Variants in CECR2 observed in about 807,000 individuals in gnomAD.
CECR2 encodes the protein chromatin remodeling regulator CECR2.
A neutral mutation model predicts 154.5 loss-of-function variants in CECR2; 30 were observed. That is an observed-to-expected ratio of 0.19 (90% CI 0.15 to 0.26). The LOEUF (loss-of-function observed/expected upper bound fraction) is 0.26. Ranked by LOEUF, CECR2 falls within the 10% of genes least tolerant of loss-of-function variation. CECR2 has a pLI of 1.00. For missense variants in CECR2, 1,743 were observed against 1,829.3 expected (o/e 0.95, Z 0.86); for synonymous variants, 725 against 683.7 (o/e 1.06, Z -0.94).
chr22:17,477,160 G>T, intron 1 of CECR2: 1 of 722,160 alleles, frequency 1.4e-6, no homozygotes, highest in South Asian at 1.5e-5. Flanking sequence ...TCTTGAGAAG[G>T]TTGAGTAAAT....
At chr22:17,540,349 A>G (rs2056502717) in intron 13 of CECR2, 63 bp from the exon 14 acceptor site, 4 of 1,380,264 alleles carry the variant, frequency 2.9e-6, no homozygotes, top group Non-Finnish European at 3.8e-6. Flanking sequence ...TCTATAAACT[A>G]TAGTTTCTAT....
At chr22:17,552,764 GCTTA>G (rs1436947154) in intron 18 of CECR2, 67 bp from the exon 19 acceptor site, 14 of 585,610 alleles carry the variant, frequency 2.4e-5, no homozygotes, top group African/African-American at 9.3e-5. Flanking sequence ...ACATTCTTTG[GCTTA>G]CTTAAGTTTT....
intron 2 of CECR2, among the ~76,000 whole-genome samples, chr22:17,490,373 C>T (rs1471392986): frequency 6.6e-6 from 1 of 152,006 alleles, no homozygotes; most frequent in African/African-American, 2.4e-5. Flanking sequence ...CATATTAATC[C>T]TCAGCTTTCT....
chr22:17,428,826 G>GTGTGTGTGTGTGTGTGTGTGTA (rs369291932), intron 1 of CECR2, among the ~76,000 whole-genome samples: 2 of 150,706 alleles, frequency 1.3e-5, no homozygotes, highest in Admixed American at 6.6e-5. Flanking sequence ...GTGTGTGTGT[G>GTGTGTGTGTGTGTGTGTGTGTA]TATATAAAGG....
intron 1 of CECR2, among the ~76,000 whole-genome samples, chr22:17,420,177 TC>T (rs537184825): frequency 1.1e-3 from 168 of 152,328 alleles, no homozygotes; most frequent in African/African-American, 3.7e-3. Flanking sequence ...AGTGACAAAG[TC>T]AAAGGAAATT....
chr22:17,427,043 A>T (rs546818112), intron 1 of CECR2, among the ~76,000 whole-genome samples: 1 of 149,386 alleles, frequency 6.7e-6, no homozygotes, highest in South Asian at 2.1e-4. Context: ...CTGGTGTGTG[A>T]TGTTCCCCAC....
intron 10 of CECR2, among the ~76,000 whole-genome samples, chr22:17,537,823 G>A (rs1044225953): frequency 3.3e-5 from 5 of 151,908 alleles, no homozygotes; most frequent in Admixed American, 6.6e-5. Context: ...TGAAACCCCC[G>A]TCTCTAATAA....
intron 9 of CECR2, among the ~76,000 whole-genome samples, chr22:17,528,472 T>C (rs911257607): frequency 1.3e-5 from 2 of 152,152 alleles, no homozygotes; most frequent in Non-Finnish European, 2.9e-5. Flanking sequence ...ATAGTTATTA[T>C]GAATGAATAT....
intron 9 of CECR2, among the ~76,000 whole-genome samples, chr22:17,535,273 G>A (rs1256098892): frequency 1.3e-5 from 2 of 151,564 alleles, no homozygotes; most frequent in African/African-American, 2.4e-5. Context: ...AGCTGAGATC[G>A]CACCACTACA....
intron 1 of CECR2, among the ~76,000 whole-genome samples, chr22:17,392,585 G>A (rs2063337181): frequency 6.6e-6 from 1 of 152,158 alleles, no homozygotes; most frequent in Non-Finnish European, 1.5e-5. Context: ...CTTGAGCCAG[G>A]GAGGTGGAAG....
At chr22:17,402,748 TTTC>T (rs1365579084) in intron 1 of CECR2, among the ~76,000 whole-genome samples, 66 of 138,470 alleles carry the variant, frequency 4.8e-4, no homozygotes, top group African/African-American at 1.8e-3. Flanking sequence ...CTTTCTTTCT[TTTC>T]TTCTTTTTTT....
intron 1 of CECR2, among the ~76,000 whole-genome samples, chr22:17,457,014 G>C (rs2054864099): frequency 6.6e-6 from 1 of 152,150 alleles, no homozygotes; most frequent in Non-Finnish European, 1.5e-5. Flanking sequence ...TATTTAATTG[G>C]AATTTATATT....
chr22:17,397,285 A>G (rs566391224), intron 1 of CECR2, among the ~76,000 whole-genome samples: 1 of 151,704 alleles, frequency 6.6e-6, no homozygotes, highest in South Asian at 2.1e-4. Flanking sequence ...GATTACAGGC[A>G]CACACCACCA....
intron 1 of CECR2, among the ~76,000 whole-genome samples, chr22:17,440,635 T>G (rs2054570821): frequency 6.6e-6 from 1 of 152,160 alleles, no homozygotes; most frequent in Admixed American, 6.6e-5. Flanking sequence ...GATATCTGAC[T>G]TGAAGTAATG....
Position 17,548,552 on chromosome 22 carries a change from G to A in CECR2, c.3265G>A (p.Glu1089Lys), listed in dbSNP as rs1467443513. The change falls in exon 17 of 19, where the codon GAA becomes AAA. Residue 1089 changes from glutamate (E) to lysine (K), a missense_variant. Physicochemically the swap from Glu to Lys is moderately conservative, Grantham distance 56. Transcript: ENST00000262608. ...LLCPRGRTLQ[E>K]TMPCTGQNAA... Reference sequence around the variant, plus strand: ...CTGCCCCAGAGGCAGAACGTTGCAGGAAACCATGCCATGCACGGGACAGAA... The same window carrying A: ...CTGCCCCAGAGGCAGAACGTTGCAGAAAACCATGCCATGCACGGGACAGAA... 6.2e-7 allele frequency: 1 copy of A among 1,613,642 alleles called. No homozygotes were observed. The highest frequency in any genetic ancestry group is 8.5e-7 in the Non-Finnish European group (1 of 1,179,816).
intron 1 of CECR2, among the ~76,000 whole-genome samples, chr22:17,387,695 C>G (rs1181970349): frequency 6.6e-6 from 1 of 152,130 alleles, no homozygotes; most frequent in Non-Finnish European, 1.5e-5. Flanking sequence ...CTGTTCTATT[C>G]TGTTGACAGT....
intron 1 of CECR2, among the ~76,000 whole-genome samples, chr22:17,457,274 G>A (rs1271587244): frequency 1.3e-5 from 2 of 152,292 alleles, no homozygotes; most frequent in African/African-American, 2.4e-5. Context: ...TGATCCACCC[G>A]CCTCGGCCTC....
At chr22:17,437,757 TTAAAA>T (rs1257775473) in intron 1 of CECR2, among the ~76,000 whole-genome samples, 1 of 152,172 alleles carries the variant, frequency 6.6e-6, no homozygotes, top group Admixed American at 6.5e-5. Context: ...TTGTCAGACT[TTAAAA>T]TGCAAGGTGA....
intron 8 of CECR2, among the ~76,000 whole-genome samples, chr22:17,512,673 A>C (rs2055978672): frequency 6.7e-6 from 1 of 149,690 alleles, no homozygotes; most frequent in South Asian, 2.1e-4. Context: ...ACTGCACTCC[A>C]GCCTGGGCAA....
Sources: gnomAD v4.1 joint callset for allele counts (sites outside exome capture counted in the v4.1 genomes callset) on GRCh38, gnomAD v4.1.1 for gene constraint, MANE v1.5 for transcripts, NCBI Gene and HGNC (gene_info 2026-07-23, HGNC 2026-07-21) for gene names.